The following RABEP1 variants were observed in gnomAD, a reference collection of about 807,000 sequenced individuals.
RABEP1 encodes the protein rabaptin, RAB GTPase binding effector protein 1, also known as rab GTPase-binding effector protein 1.
Under a neutral mutation model 123.4 loss-of-function variants are expected in RABEP1, and 51 were observed. The observed-to-expected ratio is 0.41, with a 90% CI of 0.33 to 0.52. The LOEUF is 0.52. RABEP1 is among the 20% of genes least tolerant of loss of function. The pLI, the probability that RABEP1 is intolerant of heterozygous loss-of-function variation, is 0.16. For synonymous variants in RABEP1, 347 were observed against 355.2 expected, an observed-to-expected ratio of 0.98 and a Z score of 0.26; for missense variants, 888 against 996.3, an observed-to-expected ratio of 0.89 and a Z score of 1.46.
intron 1 of RABEP1, among the ~76,000 whole-genome samples, chr17:5,298,777 T>C (rs981300139): frequency 6.6e-6 from 1 of 151,754 alleles, no homozygotes. Flanking sequence ...TGCCTCAGCC[T>C]TCTGAGTAGC....
chr17:5,333,191 C>T (rs1906729557), intron 3 of RABEP1, among the ~76,000 whole-genome samples: 1 of 151,240 alleles, frequency 6.6e-6, no homozygotes, highest in South Asian at 2.1e-4. Flanking sequence ...GAGATGGAGT[C>T]TCACTCTGTT....
At position 5,362,531 on chromosome 17, in the gene RABEP1, G is replaced by C. The variant is rs184358015; in HGVS notation, c.1564-381G>C. Among the ~76,000 whole-genome samples, 769 of 152,334 alleles carry C rather than the reference G, an allele frequency of 5.0e-3. 6 individuals carry two copies. Among genetic ancestry groups the C allele is most frequent in the South Asian group, 7.5e-3 (36 of 4,830 alleles). ...ATACGTGAGAAGGTGCTATTTACTA[G>C]TTTGGTACCTATTTTATAATTGGAG... is the stretch of plus-strand genomic sequence containing the variant. On this transcript the variant is annotated intron_variant, in intron 9 of 17. Transcript: ENST00000537505.
At chr17:5,354,650 G>A (rs1341630919) in intron 8 of RABEP1, among the ~76,000 whole-genome samples, 160 bp downstream of exon 8, 1 of 152,194 alleles carries the variant, frequency 6.6e-6, no homozygotes, top group African/African-American at 2.4e-5. Flanking sequence ...TGTTTTTATG[G>A]CATTATAGGT....
In RABEP1 at chr17:5,383,549, C is replaced by T. The variant is rs188091510; in HGVS notation, c.*326C>T. On this transcript the variant is annotated 3_prime_UTR_variant, in exon 18 of 18. Coordinates refer to ENST00000537505, the MANE Select transcript of RABEP1 (RefSeq NM_004703.6). ...AGATTTTCGGAACACATTTCCCTACCCTAAAGCGACATCCCAGTAGTGTTT... is the reference window on the plus strand; with the variant it reads ...AGATTTTCGGAACACATTTCCCTACTCTAAAGCGACATCCCAGTAGTGTTT... The T allele has an allele frequency of 2.3e-3, 830 of 355,870 alleles. 7 individuals carry two copies. The highest frequency in any genetic ancestry group is 0.013 in the Middle Eastern group (16 of 1,254). The allele number at this position is 355,870 out of a possible 1,614,324, so 22.0% of individuals were successfully genotyped here. A position where few individuals can be genotyped will look rare whatever the true frequency, so the allele number is the denominator to read the frequency against.
rs74793170 is a variant in RABEP1 at position 5,345,159 on chromosome 17, C to T, written c.649-1631C>T. On this transcript the variant is annotated intron_variant, in intron 5 of 17. Transcript: ENST00000537505. ...GGGTTATAGAGAAATTGGTTGCATT[C>T]ACCGACTACTGGTGTATGTGAAACT... Among the ~76,000 whole-genome samples, 837 of 152,146 alleles carry T rather than the reference C, an allele frequency of 5.5e-3. 7 individuals are homozygous for T. Among genetic ancestry groups the T allele is most frequent in the African/African-American group, 0.019 (777 of 41,542 alleles).
rs76884889 is a variant in RABEP1, at chr17:5,369,243, C to T, written c.1884+775C>T. Among the ~76,000 whole-genome samples, 517 of 152,314 alleles carry T rather than the reference C, an allele frequency of 3.4e-3. 3 individuals are homozygous for T. The highest frequency in any genetic ancestry group is 0.012 in the African/African-American group (485 of 41,584). On this transcript the variant is annotated intron_variant, in intron 12 of 17. Coordinates refer to ENST00000537505, the MANE Select transcript of RABEP1 (RefSeq NM_004703.6). ...GGGGCAGAGTGTTATGAGCAAGTGC[C>T]GGCTAGAGCCTTTGCAGATAGTCCC...
At chr17:5,296,175 T>A (rs1185207034) in intron 1 of RABEP1, among the ~76,000 whole-genome samples, 1 of 152,206 alleles carries the variant, frequency 6.6e-6, no homozygotes, top group Non-Finnish European at 1.5e-5. Context: ...TAGATCTGAT[T>A]TGCTAAGGTT....
chr17:5,381,901 CCT>C (rs1911499668), intron 17 of RABEP1, among the ~76,000 whole-genome samples: 1 of 152,106 alleles, frequency 6.6e-6, no homozygotes, highest in Non-Finnish European at 1.5e-5. Flanking sequence ...CCTCCTGACT[CCT>C]TTCTTTCAAG....
intron 5 of RABEP1, among the ~76,000 whole-genome samples, chr17:5,338,875 G>A (rs959488201): frequency 6.6e-6 from 1 of 152,064 alleles, no homozygotes; most frequent in African/African-American, 2.4e-5. Context: ...AGTAGGAACA[G>A]GCCAGGTGTT....
At chr17:5,319,708 A>G (rs565095987) in intron 2 of RABEP1, among the ~76,000 whole-genome samples, 9 of 152,274 alleles carry the variant, frequency 5.9e-5, no homozygotes, top group Non-Finnish European at 1.0e-4. Flanking sequence ...AAAAAATTAA[A>G]CAGAAGTCTT....
chr17:5,361,815 C>A, intron 9 of RABEP1, 140 bp downstream of exon 9: 1 of 681,496 alleles, frequency 1.5e-6, no homozygotes. Context: ...TAACGTGTGT[C>A]ACCTGACCCT....
chr17:5,355,543 T>C (rs969037590), intron 8 of RABEP1, among the ~76,000 whole-genome samples: 4 of 152,220 alleles, frequency 2.6e-5, no homozygotes, highest in African/African-American at 9.6e-5. Context: ...TTCATGCTCA[T>C]GTGGCCTGTC....
rs532381379 is a variant in RABEP1, at chr17:5,383,864, G to A, written c.*641G>A. The A allele has an allele frequency of 6.8e-4, 153 of 223,400 alleles. 2 individuals are homozygous for A. Among genetic ancestry groups the A allele is most frequent in the African/African-American group, 3.2e-3 (144 of 44,776 alleles). 13.8% of individuals were successfully genotyped at this position (223,400 alleles called of 1,614,324 possible). A position where few individuals can be genotyped will look rare whatever the true frequency, so the allele number is the denominator to read the frequency against. ...ATTCATGAAGTGAATTAATGATGAGGATCTGAAAACTTGGCTGGGGCTATA... is the reference window on the plus strand; with the variant it reads ...ATTCATGAAGTGAATTAATGATGAGAATCTGAAAACTTGGCTGGGGCTATA... On this transcript the variant is annotated 3_prime_UTR_variant, in exon 18 of 18. Transcript: ENST00000537505.
At chr17:5,335,411 T>C in intron 4 of RABEP1, 67 bp downstream of exon 4, 1 of 1,361,066 alleles carries the variant, frequency 7.3e-7, no homozygotes, top group Non-Finnish European at 1.0e-6. Context: ...AATATTGTTG[T>C]GTAATAGAAA....
chr17:5,369,946 G>A (rs778111264), intron 12 of RABEP1, among the ~76,000 whole-genome samples: 4 of 152,076 alleles, frequency 2.6e-5, no homozygotes, highest in Non-Finnish European at 4.4e-5. Context: ...TGATCCACCC[G>A]CGTTGGCCTC....
intron 13 of RABEP1, among the ~76,000 whole-genome samples, chr17:5,376,132 G>A (rs138014294): frequency 1.4e-3 from 218 of 151,780 alleles, no homozygotes; most frequent in African/African-American, 4.7e-3. Flanking sequence ...TTTAGCCACC[G>A]CGCCTGCCTA....
chr17:5,298,920 GCTGGGATTACAGGCGTGA>G (rs1567867462), intron 1 of RABEP1, among the ~76,000 whole-genome samples: 1 of 151,766 alleles, frequency 6.6e-6, no homozygotes, highest in Non-Finnish European at 1.5e-5. Flanking sequence ...CTCTCAAAGT[GCTGGGATTACAGGCGTGA>G]GCCACTGTGC....
intron 8 of RABEP1, among the ~76,000 whole-genome samples, chr17:5,359,674 A>G (rs1396457045): frequency 6.6e-6 from 1 of 152,210 alleles, no homozygotes; most frequent in African/African-American, 2.4e-5. Flanking sequence ...CACCAAGAAT[A>G]TTTTTAAAAC....
intron 11 of RABEP1, 103 bp downstream of exon 11, chr17:5,365,341 G>A: frequency 1.3e-6 from 1 of 756,444 alleles, no homozygotes; most frequent in Non-Finnish European, 2.0e-6. Flanking sequence ...TGAAGATTTG[G>A]CAGTTTTATT....
Sources: allele counts gnomAD v4.1 joint callset (sites outside exome capture counted in the v4.1 genomes callset), GRCh38; gene constraint gnomAD v4.1.1; transcripts MANE v1.5; gene names NCBI Gene and HGNC (gene_info 2026-07-23, HGNC 2026-07-21).